Variants in RGPD3 observed in about 807,000 individuals in gnomAD.
RGPD3 encodes the protein RANBP2 like and GRIP domain containing 3, also known as ranBP2-like and GRIP domain-containing protein 3.
A neutral mutation model predicts 154.5 loss-of-function variants in RGPD3; 62 were observed. The observed-to-expected ratio is 0.40, with a 90% confidence interval of 0.33 to 0.50. The LOEUF (loss-of-function observed/expected upper bound fraction) is 0.50. RGPD3 is among the 20% of genes least tolerant of loss of function. RGPD3 has a pLI of 0.59. For synonymous variants in RGPD3, 308 were observed against 607.0 expected (o/e 0.51, Z 7.24); for missense variants, 919 against 1,716.8 (o/e 0.54, Z 8.21).
chr2:106,428,791 C>T (rs1314793025), intron 18 of RGPD3, among the ~76,000 whole-genome samples: 1 of 149,278 alleles, frequency 6.7e-6, no homozygotes, highest in African/African-American at 2.5e-5. Flanking sequence ...ATGTATTATA[C>T]TGGCAAGTGC....
intron 4 of RGPD3, among the ~76,000 whole-genome samples, chr2:106,454,767 T>C (rs1678196839): frequency 6.6e-6 from 1 of 152,052 alleles, no homozygotes; most frequent in South Asian, 2.1e-4. Context: ...CCACGCCCAA[T>C]ATGGGAGTTA....
In RGPD3 at chr2:106,466,872, C is replaced by G. The variant is rs1436428539; in HGVS notation, c.72+1345G>C. On this transcript the variant is annotated intron_variant, in intron 1 of 22. Transcript: ENST00000409886. The stretch of plus-strand genomic sequence containing the variant: ...TCGGGAGCCATGACGCCTGAGCCAT[C>G]GAGGCCGCCGCCGGGCCGGGTCGAG... 4.3e-4 allele frequency among the ~76,000 whole-genome samples: 36 copies of G among 83,404 alleles called. 1 individual carries two copies. Among genetic ancestry groups the G allele is most frequent in the Admixed American group, 3.7e-3 (30 of 8,112 alleles). The allele number at this position is 83,404 out of a possible 152,430, so 54.7% of individuals were successfully genotyped here.
intron 21 of RGPD3, among the ~76,000 whole-genome samples, chr2:106,413,657 G>C (rs1367398567): frequency 6.6e-6 from 1 of 152,166 alleles, no homozygotes; most frequent in East Asian, 1.9e-4. Flanking sequence ...GCTAATACAA[G>C]AGGAGAAAAA....
intron 7 of RGPD3, among the ~76,000 whole-genome samples, chr2:106,441,635 A>T (rs1357890516): frequency 6.6e-6 from 1 of 150,858 alleles, no homozygotes; most frequent in Non-Finnish European, 1.5e-5. Flanking sequence ...TGGGCTGATC[A>T]CTTGAGGTCA....
At chr2:106,429,404 G>A (rs984534263) in intron 18 of RGPD3, among the ~76,000 whole-genome samples, 10 of 151,414 alleles carry the variant, frequency 6.6e-5, no homozygotes, top group Non-Finnish European at 4.4e-5. Flanking sequence ...GCTCATCTGA[G>A]GTGTGGATTA....
chr2:106,469,788 C>T (rs1401390079), upstream of RGPD3, among the ~76,000 whole-genome samples: 1 of 152,140 alleles, frequency 6.6e-6, no homozygotes, highest in East Asian at 1.9e-4. Flanking sequence ...AGCTCAGACC[C>T]TCTCATACTT....
chr2:106,407,576 G>A (rs550150063), intron 22 of RGPD3, among the ~76,000 whole-genome samples: 11 of 151,850 alleles, frequency 7.2e-5, no homozygotes, highest in Admixed American at 7.2e-4. Context: ...ATGCACTGTT[G>A]TATGTTCACC....
intron 20 of RGPD3, among the ~76,000 whole-genome samples, chr2:106,422,476 G>T (rs1256637975): frequency 1.3e-5 from 2 of 149,292 alleles, no homozygotes; most frequent in Admixed American, 6.7e-5. Flanking sequence ...CATCTCCTGT[G>T]CTCAAGCGAT....
chr2:106,424,594 C>A lies in RGPD3; in HGVS notation c.3373G>T (p.Gly1125Ter), dbSNP rs748763147. The A allele has an allele frequency of 6.2e-7, 1 of 1,611,500 alleles. No homozygotes were observed. The highest frequency in any genetic ancestry group is 8.5e-7 in the Non-Finnish European group (1 of 1,179,804). Residue 1125 changes from glycine to a stop codon, truncating the protein, a stop_gained, in exon 20 of 23, where the codon GGA becomes TGA. Transcript: ENST00000409886. LOFTEE classifies it high-confidence loss of function. ...TTTMNLKPLS[G>*]SDRAWMWSAS... ...GACCACATCCATGCTCTATCTGATC[C>A]AGAGAGGGGCTTCAGGTTCATTGTA... is the stretch of plus-strand genomic sequence containing the variant.
intron 1 of RGPD3, among the ~76,000 whole-genome samples, chr2:106,459,666 G>C (rs1678351201): frequency 7.6e-6 from 1 of 131,616 alleles, no homozygotes; most frequent in Non-Finnish European, 1.6e-5. Flanking sequence ...AATTAGCCAG[G>C]CATGATGGCG....
intron 18 of RGPD3, 142 bp from the exon 19 acceptor site, chr2:106,426,230 A>G (rs1677192145): frequency 7.0e-6 from 4 of 569,834 alleles, no homozygotes; most frequent in Non-Finnish European, 1.2e-5. Flanking sequence ...CTGTACATCA[A>G]AATACACCAA....
chr2:106,468,351 A>G lies in RGPD3; in HGVS notation c.-63T>C, dbSNP rs1678716017. The G allele has an allele frequency of 1.9e-6, 3 of 1,556,612 alleles. No homozygotes were observed. Among genetic ancestry groups the G allele is most frequent in the African/African-American group, 2.7e-5 (2 of 73,420 alleles). ...GCGCTCAGCCCCGCAGCAGTCGCCA[A>G]TTCCAAGAGGAAAGCGCCTGAAAGC... On this transcript the variant is annotated 5_prime_UTR_variant, in exon 1 of 23. Transcript: ENST00000409886.
In RGPD3 at chr2:106,464,554, C is replaced by T. The variant is rs528649491; in HGVS notation, c.72+3663G>A. Among the ~76,000 whole-genome samples the T allele has an allele frequency of 5.2e-4, 79 of 150,756 alleles. 2 individuals carry two copies. The South Asian group carries it at 0.016, about 31-fold the overall frequency. On this transcript the variant is annotated intron_variant, in intron 1 of 22. Coordinates refer to ENST00000409886, the MANE Select transcript of RGPD3 (RefSeq NM_001144013.2). ...TTATGCCCAAAAATTTGATGAGCAA[C>T]ACAGCAAGACCCTATTCTAAAAAAA...
chr2:106,449,981 C>T (rs1236770588), intron 6 of RGPD3, among the ~76,000 whole-genome samples: 1 of 149,236 alleles, frequency 6.7e-6, no homozygotes, highest in Non-Finnish European at 1.5e-5. Flanking sequence ...GGCGCCACTG[C>T]ACTCCAGCCT....
At chr2:106,438,409 G>A (rs1379473739) in intron 9 of RGPD3, among the ~76,000 whole-genome samples, 2 of 150,656 alleles carry the variant, frequency 1.3e-5, no homozygotes, top group Non-Finnish European at 3.0e-5. Context: ...AATCCCTTGA[G>A]CCCAGAAGTT....
chr2:106,409,065 T>G (rs536493445), intron 22 of RGPD3, among the ~76,000 whole-genome samples: 1 of 152,252 alleles, frequency 6.6e-6, no homozygotes, highest in East Asian at 1.9e-4. Context: ...GGTAGCAACC[T>G]GAATGAAAAA....
Position 106,403,693 on chromosome 2 carries a change from G to A in RGPD3, c.*1526C>T, listed in dbSNP as rs1350981234. Among the ~76,000 whole-genome samples the A allele has an allele frequency of 5.9e-5, 9 of 152,392 alleles. No homozygotes were observed. The highest frequency in any genetic ancestry group is 2.2e-4 in the African/African-American group (9 of 41,606). On this transcript the variant is annotated 3_prime_UTR_variant, in exon 23 of 23. Coordinates refer to ENST00000409886, the MANE Select transcript of RGPD3 (RefSeq NM_001144013.2). Reference sequence around the variant, plus strand: ...AAAGTAAAAAAACTAAACTCTTCATGTCGGCTCTGAAATAGATGCATTTTC... The same window carrying A: ...AAAGTAAAAAAACTAAACTCTTCATATCGGCTCTGAAATAGATGCATTTTC...
intron 18 of RGPD3, among the ~76,000 whole-genome samples, chr2:106,426,707 C>A (rs1298023656): frequency 1.2e-4 from 19 of 152,360 alleles, no homozygotes; most frequent in Non-Finnish European, 4.4e-5. Context: ...CTAGAAGGCA[C>A]CCCTGTTAAT....
chr2:106,421,353 A>G (rs1373734079), intron 20 of RGPD3, among the ~76,000 whole-genome samples: 1 of 152,040 alleles, frequency 6.6e-6, no homozygotes, highest in Non-Finnish European at 1.5e-5. Context: ...GTATACATCC[A>G]CTTTTAAGTT....
Sources: allele counts gnomAD v4.1 joint callset (sites outside exome capture counted in the v4.1 genomes callset), GRCh38; gene constraint gnomAD v4.1.1; transcripts MANE v1.5; gene names NCBI Gene and HGNC (gene_info 2026-07-23, HGNC 2026-07-21).